CAMK1D: variants seen among roughly 807,000 people sequenced by gnomAD.
The protein encoded by CAMK1D is calcium/calmodulin-dependent protein kinase type 1D.
In CAMK1D, 9 loss-of-function variants were observed where a neutral mutation model predicts 47.7. That is an observed-to-expected ratio of 0.19 (90% CI 0.11 to 0.33). CAMK1D has a LOEUF of 0.33. CAMK1D is among the 10% of genes least tolerant of loss of function. The pLI is 1.00. For synonymous variants in CAMK1D, 184 were observed against 184.9 expected, an observed-to-expected ratio of 0.99 and a Z score of 0.04; for missense variants, 291 against 488.7, an observed-to-expected ratio of 0.60 and a Z score of 3.81.
chr10:12,801,124 T>A (rs1838411783), intron 6 of CAMK1D, among the ~76,000 whole-genome samples: 1 of 151,900 alleles, frequency 6.6e-6, no homozygotes, highest in Admixed American at 6.6e-5. Flanking sequence ...AAGGAGGAGA[T>A]GGAGTTGGGA....
intron 3 of CAMK1D, among the ~76,000 whole-genome samples, chr10:12,746,430 C>T (rs1281467742): frequency 2.6e-5 from 4 of 151,620 alleles, no homozygotes; most frequent in Admixed American, 2.6e-4. Context: ...TTTAGAAAAG[C>T]TTGCCAGAAA....
rs558292989 is a variant in CAMK1D, at chr10:12,373,400, C to T, written c.92+23490C>T. ...TAATCCCAGCACTTTGGGAAGCCAACGCGGGTGGGTCACCTGAGGTCGGGA... is the reference window on the plus strand; with the variant it reads ...TAATCCCAGCACTTTGGGAAGCCAATGCGGGTGGGTCACCTGAGGTCGGGA... On this transcript the variant is annotated intron_variant, in intron 1 of 10. Coordinates refer to ENST00000619168, the MANE Select transcript of CAMK1D (RefSeq NM_153498.4). Among the ~76,000 whole-genome samples, 66 of 151,264 alleles carry T rather than the reference C, an allele frequency of 4.4e-4. 1 individual carries two copies. Among genetic ancestry groups the T allele is most frequent in the African/African-American group, 1.3e-3 (53 of 41,204 alleles).
At chr10:12,539,497 T>C (rs144777152) in intron 1 of CAMK1D, among the ~76,000 whole-genome samples, 1 of 152,244 alleles carries the variant, frequency 6.6e-6, no homozygotes, top group East Asian at 1.9e-4. Context: ...ACCATTCAGG[T>C]TTTGCCAACC....
At chr10:12,396,429 T>C (rs751378488) in intron 1 of CAMK1D, among the ~76,000 whole-genome samples, 1 of 152,218 alleles carries the variant, frequency 6.6e-6, no homozygotes, top group Non-Finnish European at 1.5e-5. Context: ...CCAGGGATAA[T>C]GGGTTCATTC....
At chr10:12,582,763 TTTTTAA>T (rs1408655590) in intron 2 of CAMK1D, among the ~76,000 whole-genome samples, 1 of 152,198 alleles carries the variant, frequency 6.6e-6, no homozygotes, top group African/African-American at 2.4e-5. Flanking sequence ...AGAAGTGTGC[TTTTTAA>T]TTTTAAGTCC....
At chr10:12,808,029 C>T (rs559463467) in intron 6 of CAMK1D, among the ~76,000 whole-genome samples, 43 of 152,346 alleles carry the variant, frequency 2.8e-4, no homozygotes, top group South Asian at 4.1e-4. Context: ...CATGCCGCAC[C>T]GCAGCAGCAA....
chr10:12,801,284 T>C lies in CAMK1D; in HGVS notation c.641+10051T>C, dbSNP rs2131032826. Among the ~76,000 whole-genome samples, 3 of 149,262 alleles carry C rather than the reference T, an allele frequency of 2.0e-5. No homozygotes were observed. The South Asian group carries it at 6.6e-4, about 33-fold the overall frequency. ...ATCTGTCCGTCCATCCATCCATATT[T>C]CTGTCTGTGTGTGTATCTATCTATC... On this transcript the variant is annotated intron_variant, in intron 6 of 10. Coordinates refer to ENST00000619168, the MANE Select transcript of CAMK1D (RefSeq NM_153498.4).
intron 2 of CAMK1D, among the ~76,000 whole-genome samples, chr10:12,643,258 C>T (rs968997015): frequency 2.0e-5 from 3 of 152,184 alleles, no homozygotes; most frequent in Non-Finnish European, 2.9e-5. Context: ...GCCTCAGCCT[C>T]CCAAAATGCT....
At chr10:12,564,117 ATGTC>A (rs1837042237) in intron 2 of CAMK1D, among the ~76,000 whole-genome samples, 2 of 138,482 alleles carry the variant, frequency 1.4e-5, no homozygotes, top group Non-Finnish European at 3.1e-5. Flanking sequence ...GTCTGTCTAG[ATGTC>A]TCTCTCTCTC....
rs1183015885 is a variant in CAMK1D at position 12,801,297 on chromosome 10, G to GTATCTATCTATC, written c.641+10110_641+10121dup. 5.8e-3 allele frequency among the ~76,000 whole-genome samples: 524 copies of GTATCTATCTATC among 89,904 alleles called. 12 individuals are homozygous for GTATCTATCTATC. Among genetic ancestry groups the GTATCTATCTATC allele is most frequent in the South Asian group, 0.015 (31 of 2,074 alleles). The allele number at this position is 89,904 out of a possible 152,430, so 59.0% of individuals were successfully genotyped here. ...TCCATCCATATTTCTGTCTGTGTGTGTATCTATCTATCTATCTATCTATCT... is the reference window on the plus strand; with the variant it reads ...TCCATCCATATTTCTGTCTGTGTGTGTATCTATCTATCTATCTATCTATCTATCTATCTATCT... On this transcript the variant is annotated intron_variant, in intron 6 of 10. Coordinates refer to ENST00000619168, the MANE Select transcript of CAMK1D (RefSeq NM_153498.4).
chr10:12,523,310 A>G (rs1404000673), intron 1 of CAMK1D, among the ~76,000 whole-genome samples: 76 of 147,338 alleles, frequency 5.2e-4, no homozygotes, highest in African/African-American at 1.8e-3. Flanking sequence ...ATGGGCGGCC[A>G]GGCAGAGACG....
intron 3 of CAMK1D, among the ~76,000 whole-genome samples, chr10:12,755,700 G>C (rs538607996): frequency 3.7e-4 from 57 of 152,114 alleles, no homozygotes; most frequent in South Asian, 6.2e-4. Context: ...CATTCTAACT[G>C]GTGTGAGATA....
intron 2 of CAMK1D, among the ~76,000 whole-genome samples, chr10:12,595,621 C>T (rs749206770): frequency 1.6e-4 from 24 of 152,078 alleles, no homozygotes; most frequent in Non-Finnish European, 2.8e-4. Flanking sequence ...CTGGGCCATG[C>T]GTCTTCTGTC....
At chr10:12,415,580 A>G (rs924793187) in intron 1 of CAMK1D, among the ~76,000 whole-genome samples, 52 of 150,568 alleles carry the variant, frequency 3.5e-4, no homozygotes, top group African/African-American at 1.1e-3. Context: ...GATTACAGGC[A>G]TGAGCCACCG....
chr10:12,655,988 T>A (rs1840105762), intron 2 of CAMK1D, among the ~76,000 whole-genome samples: 1 of 152,232 alleles, frequency 6.6e-6, no homozygotes. Flanking sequence ...CATAGATACC[T>A]TAATGCACTT....
intron 2 of CAMK1D, among the ~76,000 whole-genome samples, chr10:12,613,199 C>G (rs1838682685): frequency 6.6e-6 from 1 of 152,194 alleles, no homozygotes; most frequent in Non-Finnish European, 1.5e-5. Context: ...AAAGAAAGCT[C>G]TTTTCCACAA....
At chr10:12,529,211 C>T (rs964429544) in intron 1 of CAMK1D, among the ~76,000 whole-genome samples, 9 of 152,106 alleles carry the variant, frequency 5.9e-5, no homozygotes, top group Non-Finnish European at 8.8e-5. Context: ...GGGGAACATC[C>T]GTGATGTTAA....
intron 2 of CAMK1D, among the ~76,000 whole-genome samples, chr10:12,634,018 C>T (rs1002713522): frequency 1.1e-4 from 17 of 152,158 alleles, no homozygotes; most frequent in Non-Finnish European, 2.1e-4. Flanking sequence ...TCAGAGGGAT[C>T]ACCTGAGCTG....
At chr10:12,770,783 C>G (rs143670600) in intron 5 of CAMK1D, among the ~76,000 whole-genome samples, 3 of 152,222 alleles carry the variant, frequency 2.0e-5, no homozygotes, top group African/African-American at 7.2e-5. Flanking sequence ...TACAGGACAG[C>G]ATCCCAGGAA....
Sources: allele counts gnomAD v4.1 joint callset (sites outside exome capture counted in the v4.1 genomes callset), GRCh38; gene constraint gnomAD v4.1.1; transcripts MANE v1.5; gene names NCBI Gene and HGNC (gene_info 2026-07-23, HGNC 2026-07-21).